Variants in GALNT17 observed in about 807,000 individuals in gnomAD.
GALNT17 encodes UDP-GalNAc:polypeptide N-acetylgalactosaminyltransferase-like 3.
Under a neutral mutation model 63.7 loss-of-function variants are expected in GALNT17, and 29 were observed. The ratio of observed to expected loss-of-function variants is 0.46; its 90% confidence interval spans 0.34 to 0.62. GALNT17 has a LOEUF of 0.62. GALNT17 is among the 20% of genes least tolerant of loss of function. The pLI, the probability that GALNT17 is intolerant of heterozygous loss-of-function variation, is 0.01. For missense variants in GALNT17, 603 were observed against 799.6 expected (o/e 0.75, Z 2.97); for synonymous variants, 305 against 318.3 (o/e 0.96, Z 0.45).
At chr7:71,524,231 TTA>T (rs1386042572) in intron 5 of GALNT17, among the ~76,000 whole-genome samples, 8 of 147,604 alleles carry the variant, frequency 5.4e-5, no homozygotes, top group East Asian at 3.9e-4. Context: ...TTATATTATA[TTA>T]TATATATAAT....
chr7:71,576,483 T>C (rs1789538823), intron 6 of GALNT17, among the ~76,000 whole-genome samples: 1 of 152,048 alleles, frequency 6.6e-6, no homozygotes, highest in Non-Finnish European at 1.5e-5. Context: ...AGTGTACAAG[T>C]GTTCCTGTTC....
chr7:71,521,058 T>G (rs888237404), intron 5 of GALNT17, among the ~76,000 whole-genome samples: 1 of 152,226 alleles, frequency 6.6e-6, no homozygotes, highest in Non-Finnish European at 1.5e-5. Context: ...AGATGCCATG[T>G]GGGTCCTGGG....
chr7:71,431,220 T>C (rs1039322741), intron 5 of GALNT17, among the ~76,000 whole-genome samples: 8 of 145,288 alleles, frequency 5.5e-5, no homozygotes, highest in African/African-American at 2.0e-4. Flanking sequence ...TTTTTTTTTT[T>C]TTTTTTTTTG....
chr7:71,657,049 C>T (rs1167657095), intron 6 of GALNT17, among the ~76,000 whole-genome samples: 1 of 152,138 alleles, frequency 6.6e-6, no homozygotes, highest in Non-Finnish European at 1.5e-5. Flanking sequence ...TCCAAACCTA[C>T]TTATGCCCGA....
chr7:71,306,845 A>G (rs1336183088), intron 1 of GALNT17, among the ~76,000 whole-genome samples: 2 of 108,350 alleles, frequency 1.8e-5, no homozygotes, highest in African/African-American at 6.9e-5. Context: ...GTTTTTTGAG[A>G]CAGAGTCTCG....
chr7:71,272,473 C>T (rs1158755344), intron 1 of GALNT17, among the ~76,000 whole-genome samples: 1 of 152,202 alleles, frequency 6.6e-6, no homozygotes, highest in African/African-American at 2.4e-5. Context: ...CAGGTTGCTC[C>T]ACATCCTTGG....
intron 5 of GALNT17, among the ~76,000 whole-genome samples, chr7:71,429,715 A>G (rs1786824844): frequency 6.6e-6 from 1 of 151,928 alleles, no homozygotes; most frequent in African/African-American, 2.4e-5. Context: ...GGTAATTTTT[A>G]AATTTTTTCT....
intron 6 of GALNT17, among the ~76,000 whole-genome samples, chr7:71,596,916 A>G (rs1789894901): frequency 6.6e-6 from 1 of 152,034 alleles, no homozygotes; most frequent in African/African-American, 2.4e-5. Context: ...GGCCAGGCAC[A>G]GTGGTTCACA....
At chr7:71,672,362 T>G (rs1203719757) in intron 8 of GALNT17, among the ~76,000 whole-genome samples, 1 of 152,170 alleles carries the variant, frequency 6.6e-6, no homozygotes, top group African/African-American at 2.4e-5. Context: ...ATCTGATCTC[T>G]GAATGAGGAA....
rs113560342 is a variant in GALNT17 at position 71,461,939 on chromosome 7, C to T, written c.962+40834C>T. On this transcript the variant is annotated intron_variant, in intron 5 of 10. Transcript: ENST00000333538. ...TGATGCCTATCTTTAACCTCTGGAT[C>T]AATTGAAAACTGGCTTAATTGGCTC... Among the ~76,000 whole-genome samples the T allele has an allele frequency of 4.2e-3, 637 of 152,304 alleles. 2 individuals carry two copies. The highest frequency in any genetic ancestry group is 0.014 in the African/African-American group (598 of 41,576).
intron 2 of GALNT17, among the ~76,000 whole-genome samples, chr7:71,362,767 A>G (rs1792428620): frequency 6.6e-6 from 1 of 152,150 alleles, no homozygotes; most frequent in African/African-American, 2.4e-5. Context: ...CCCCGCTGAA[A>G]GCCTTCCCCG....
chr7:71,377,173 G>C (rs1792758563), intron 2 of GALNT17, among the ~76,000 whole-genome samples: 5 of 130,766 alleles, frequency 3.8e-5, no homozygotes, highest in Admixed American at 3.4e-4. Flanking sequence ...GGGTTAGTTT[G>C]TTTGCCCATG....
chr7:71,143,768 G>C (rs949023154), intron 1 of GALNT17, among the ~76,000 whole-genome samples: 1 of 151,410 alleles, frequency 6.6e-6, no homozygotes, highest in Non-Finnish European at 1.5e-5. Context: ...GGCAGGGCAC[G>C]GTGGCTCACG....
chr7:71,471,938 T>C (rs1442458080), intron 5 of GALNT17, among the ~76,000 whole-genome samples: 1 of 152,072 alleles, frequency 6.6e-6, no homozygotes, highest in Non-Finnish European at 1.5e-5. Context: ...CATTTTTTTT[T>C]TTTTAATGTA....
rs77766080 is a variant in GALNT17 at position 71,369,314 on chromosome 7, A to C, written c.423-18921A>C. On this transcript the variant is annotated intron_variant, in intron 2 of 10. Coordinates refer to ENST00000333538, the MANE Select transcript of GALNT17 (RefSeq NM_022479.3). ...CCTGTAGGCTAGGGATGCAAAGGGT[A>C]AGAGTCAGGAACAAAGGCTATGGAG... is the stretch of plus-strand genomic sequence containing the variant. 5.9e-4 allele frequency among the ~76,000 whole-genome samples: 90 copies of C among 152,328 alleles called. No individual in the cohort carries two copies. The East Asian group carries it at 0.013, about 22-fold the overall frequency.
chr7:71,690,886 G>A (rs1424727774), intron 9 of GALNT17, among the ~76,000 whole-genome samples: 2 of 152,190 alleles, frequency 1.3e-5, no homozygotes, highest in African/African-American at 4.8e-5. Context: ...TCACGGATAA[G>A]CAAAGACAGT....
intron 1 of GALNT17, among the ~76,000 whole-genome samples, chr7:71,158,394 T>C (rs1788276047): frequency 6.6e-6 from 1 of 151,428 alleles, no homozygotes. Context: ...TTCTTTTCTT[T>C]CTTTTTTTTT....
chr7:71,660,803 C>G (rs904230035), intron 6 of GALNT17, among the ~76,000 whole-genome samples: 4 of 152,164 alleles, frequency 2.6e-5, no homozygotes, highest in Non-Finnish European at 4.4e-5. Context: ...GCTATGTAGG[C>G]CTGGTTGCTT....
Position 71,335,548 on chromosome 7 carries a change from A to G in GALNT17, c.239-2A>G. The G allele has an allele frequency of 6.4e-7, 1 of 1,555,492 alleles. No individual in the cohort carries two copies. Among genetic ancestry groups the G allele is most frequent in the Non-Finnish European group, 8.7e-7 (1 of 1,153,468 alleles). On this transcript the variant is annotated splice_acceptor_variant, in intron 1 of 10. Transcript: ENST00000333538. LOFTEE classifies it high-confidence loss of function. ...AATTCTTTTTTCTCCCACTTTTTCT[A>G]GGCTTATCCAAATCCCTTGGGCTCA...
Sources: gnomAD v4.1 joint callset for allele counts (sites outside exome capture counted in the v4.1 genomes callset) on GRCh38, gnomAD v4.1.1 for gene constraint, MANE v1.5 for transcripts, NCBI Gene and HGNC (gene_info 2026-07-23, HGNC 2026-07-21) for gene names.